UFSP2: variants seen among roughly 807,000 people sequenced by gnomAD.
UFSP2 encodes the protein ufm1-specific protease 2.
Under a neutral mutation model 60.2 loss-of-function variants are expected in UFSP2, and 43 were observed. That is an observed-to-expected ratio of 0.71 (90% CI 0.56 to 0.92). The LOEUF (loss-of-function observed/expected upper bound fraction) is 0.92. Among genes scored for constraint, UFSP2 ranks in the 40% least tolerant of loss-of-function variants. The pLI is 0.00. For missense variants in UFSP2, 520 were observed against 575.0 expected, an observed-to-expected ratio of 0.90 and a Z score of 0.98; for synonymous variants, 183 against 195.1, an observed-to-expected ratio of 0.94 and a Z score of 0.52.
chr4:185,408,522 C>T, intron 7 of UFSP2, 87 bp from the exon 8 acceptor site: 1 of 1,351,376 alleles, frequency 7.4e-7, no homozygotes, highest in Non-Finnish European at 1.0e-6. Context: ...GTTTAATGTT[C>T]TTAGAGTTAG....
intron 2 of UFSP2, among the ~76,000 whole-genome samples, 167 bp from the exon 3 acceptor site, chr4:185,418,937 C>A (rs988105130): frequency 6.6e-6 from 1 of 152,034 alleles, no homozygotes; most frequent in African/African-American, 2.4e-5. Context: ...GTCTGTGAGA[C>A]AAAATTCACA....
chr4:185,418,534 T>C (rs1561119690), intron 3 of UFSP2, 27 bp from the exon 4 acceptor site: 1 of 1,610,242 alleles, frequency 6.2e-7, no homozygotes, highest in South Asian at 1.1e-5. Flanking sequence ...CAGACATTTA[T>C]AATATGAAAT....
At chr4:185,401,347 ATTAAT>A (rs2095513009) in intron 11 of UFSP2, among the ~76,000 whole-genome samples, 1 of 152,204 alleles carries the variant, frequency 6.6e-6, no homozygotes, top group African/African-American at 2.4e-5. Context: ...AACTTTCTCT[ATTAAT>A]TTAATGTCCT....
intron 7 of UFSP2, 47 bp from the exon 8 acceptor site, chr4:185,408,482 G>T: frequency 6.5e-7 from 1 of 1,539,836 alleles, no homozygotes; most frequent in South Asian, 1.1e-5. Flanking sequence ...TAGGATAGAA[G>T]TACATATTCT....
At chr4:185,408,504 C>T (rs534331188) in intron 7 of UFSP2, 69 bp from the exon 8 acceptor site, 51 of 1,452,216 alleles carry the variant, frequency 3.5e-5, no homozygotes, top group Admixed American at 9.3e-5. Context: ...TATATGCTCC[C>T]GAATTATGTT....
intron 2 of UFSP2, among the ~76,000 whole-genome samples, chr4:185,419,850 CAT>C (rs2095546196): frequency 1.3e-5 from 2 of 152,146 alleles, no homozygotes; most frequent in Admixed American, 1.3e-4. Flanking sequence ...TTTTGGCTAT[CAT>C]ATATATGCTG....
Position 185,403,561 on chromosome 4 carries a change from T to G in UFSP2, c.1256A>C (p.Gln419Pro). The G allele has an allele frequency of 9.9e-6, 16 of 1,614,182 alleles. No homozygotes were observed. Among genetic ancestry groups the G allele is most frequent in the Non-Finnish European group, 1.4e-5 (16 of 1,180,030 alleles). The change falls in exon 11 of 12, where the codon CAG becomes CCG. Residue 419 changes from glutamine to proline, a missense_variant. Transcript: ENST00000264689. The stretch of plus-strand genomic sequence containing the variant: ...TGGATCTAGAATCAGAAACTTTATC[T>G]GCCCTGTAATCTCATTCCATGCAAC... The part of the protein sequence containing the change: ...LGVAWNEITG[Q>P]IKFLILDPHY...
chr4:185,423,141 G>A (rs1163129740), intron 1 of UFSP2, among the ~76,000 whole-genome samples: 6 of 152,200 alleles, frequency 3.9e-5, no homozygotes, highest in African/African-American at 1.4e-4. Context: ...TTGCAGGCGT[G>A]AGCCACCGCG....
At chr4:185,418,172 A>C (rs539566292) in intron 4 of UFSP2, among the ~76,000 whole-genome samples, 3 of 152,320 alleles carry the variant, frequency 2.0e-5, no homozygotes, top group African/African-American at 7.2e-5. Context: ...GATTTAATTT[A>C]AGTAATTTAT....
At chr4:185,422,377 ATCT>A in intron 2 of UFSP2, 105 bp downstream of exon 2, 1 of 815,036 alleles carries the variant, frequency 1.2e-6, no homozygotes, top group South Asian at 1.6e-5. Context: ...TAACAATATA[ATCT>A]TAGTTCATCC....
At chr4:185,402,106 AT>A (rs1034720224) in intron 11 of UFSP2, among the ~76,000 whole-genome samples, 10 of 146,938 alleles carry the variant, frequency 6.8e-5, no homozygotes, top group East Asian at 3.9e-4. Flanking sequence ...CTGAGATACC[AT>A]TTTTTTTTTC....
rs778066841 is a variant in UFSP2, at chr4:185,415,756, G to A, written c.445C>T (p.Pro149Ser). The A allele has an allele frequency of 6.2e-7, 1 of 1,613,544 alleles. No individual in the cohort carries two copies. The highest frequency in any genetic ancestry group is 8.5e-7 in the Non-Finnish European group (1 of 1,179,662). Residue 149 changes from proline to serine, a missense_variant, in exon 5 of 12, where the codon CCT becomes TCT. By Grantham distance (74) the Pro-to-Ser change is moderately conservative (BLOSUM62 -1). Transcript: ENST00000264689. ...GCAACAGATATAACTGCATCGACAG[G>A]TAAAGTCATATTAACATAATGGTGT... ...GGHHYVNMTL[P>S]VDAVISVAPE...
At chr4:185,425,235 G>C (rs942617016) in intron 1 of UFSP2, among the ~76,000 whole-genome samples, 1 of 152,154 alleles carries the variant, frequency 6.6e-6, no homozygotes, top group Non-Finnish European at 1.5e-5. Context: ...CATCTACAGA[G>C]TTGGGGGTTC....
chr4:185,409,031 A>T (rs2095524841), intron 7 of UFSP2, among the ~76,000 whole-genome samples: 1 of 152,198 alleles, frequency 6.6e-6, no homozygotes, highest in African/African-American at 2.4e-5. Flanking sequence ...GAGCTCAGTG[A>T]GTACATACAC....
At chr4:185,404,592 C>T (rs554772053) in intron 10 of UFSP2, among the ~76,000 whole-genome samples, 3 of 148,646 alleles carry the variant, frequency 2.0e-5, no homozygotes, top group Non-Finnish European at 4.5e-5. Context: ...CCACTGTGCC[C>T]AGTCTTTTTT....
chr4:185,406,069 C>A, intron 9 of UFSP2: 1 of 1,025,454 alleles, frequency 9.8e-7, no homozygotes. Context: ...ACCAAGTGTG[C>A]TAGATAAGAC....
intron 10 of UFSP2, among the ~76,000 whole-genome samples, chr4:185,404,044 A>G (rs1030812781): frequency 5.9e-5 from 9 of 151,750 alleles, no homozygotes; most frequent in Non-Finnish European, 5.9e-5. Context: ...ACTACCCTAC[A>G]CTATAAAAGA....
chr4:185,425,138 T>G (rs1320202019), intron 1 of UFSP2, among the ~76,000 whole-genome samples: 1 of 152,212 alleles, frequency 6.6e-6, no homozygotes, highest in Non-Finnish European at 1.5e-5. Context: ...ACTTGATTAT[T>G]GACTGCATGT....
chr4:185,400,850 C>T (rs781165270), intron 11 of UFSP2, among the ~76,000 whole-genome samples: 2 of 152,204 alleles, frequency 1.3e-5, no homozygotes, highest in Non-Finnish European at 2.9e-5. Context: ...CTGTAAGAGA[C>T]CATTCAGTGG....
Sources: allele counts gnomAD v4.1 joint callset (sites outside exome capture counted in the v4.1 genomes callset), GRCh38; gene constraint gnomAD v4.1.1; transcripts MANE v1.5; gene names NCBI Gene and HGNC (gene_info 2026-07-23, HGNC 2026-07-21).